FAM107B: variants seen among roughly 807,000 people sequenced by gnomAD.
FAM107B encodes the protein family with sequence similarity 107 member B, also known as protein FAM107B.
Under a neutral mutation model 31.5 loss-of-function variants are expected in FAM107B, and 21 were observed. The ratio of observed to expected loss-of-function variants is 0.67; its 90% CI spans 0.47 to 0.96. The LOEUF is 0.96. FAM107B is among the 40% of genes least tolerant of loss of function. The pLI, the probability that FAM107B is intolerant of heterozygous loss-of-function variation, is 0.00. For missense variants in FAM107B, 452 were observed against 377.1 expected (o/e 1.20, Z -1.64); for synonymous variants, 157 against 141.5 (o/e 1.11, Z -0.78).
At chr10:14,542,990 A>T (rs1012390439) in intron 2 of FAM107B, among the ~76,000 whole-genome samples, 4 of 152,248 alleles carry the variant, frequency 2.6e-5, no homozygotes, top group African/African-American at 9.6e-5. Context: ...AATCCTGCCC[A>T]ATTAATGGAT....
At chr10:14,536,179 G>C (rs771554672) in intron 2 of FAM107B, among the ~76,000 whole-genome samples, 1 of 152,194 alleles carries the variant, frequency 6.6e-6, no homozygotes, top group East Asian at 1.9e-4. Flanking sequence ...GATTATGCTA[G>C]TTTTCATGTT....
intron 1 of FAM107B, among the ~76,000 whole-genome samples, chr10:14,705,529 T>C (rs748359533): frequency 1.3e-5 from 2 of 152,036 alleles, no homozygotes; most frequent in Non-Finnish European, 2.9e-5. Context: ...GTGATTCAGC[T>C]TGAAAAAGGA....
At position 14,700,827 on chromosome 10, in the gene FAM107B, CAAAAAAAA is replaced by C. The variant is rs1159035034; in HGVS notation, c.412-33144_412-33137del. ...TCACTTGGATGCTGATGGCAAGAGG[CAAAAAAAA>C]AAAAAAAAAAAAAAAAACGCACTAG... is the stretch of plus-strand genomic sequence containing the variant. On this transcript the variant is annotated intron_variant, in intron 1 of 4. Coordinates refer to ENST00000181796, the MANE Select transcript of FAM107B (RefSeq NM_031453.4). Among the ~76,000 whole-genome samples, 13 of 76,018 alleles carry C rather than the reference CAAAAAAAA, an allele frequency of 1.7e-4. 1 individual carries two copies. The highest frequency in any genetic ancestry group is 8.5e-3 in the Middle Eastern group (1 of 118). 49.9% of individuals were successfully genotyped at this position (76,018 alleles called of 152,430 possible).
intron 1 of FAM107B, among the ~76,000 whole-genome samples, chr10:14,677,600 G>A (rs981404255): frequency 5.9e-5 from 9 of 151,754 alleles, no homozygotes; most frequent in Admixed American, 2.6e-4. Context: ...CAGCCTGGGC[G>A]ACAGAGCGAG....
At chr10:14,643,829 T>C (rs1853689331) in intron 2 of FAM107B, among the ~76,000 whole-genome samples, 1 of 152,198 alleles carries the variant, frequency 6.6e-6, no homozygotes, top group Admixed American at 6.5e-5. Flanking sequence ...CCACTCAAGT[T>C]ATCACATAAA....
intron 1 of FAM107B, among the ~76,000 whole-genome samples, chr10:14,719,524 C>G (rs184638820): frequency 6.6e-6 from 1 of 152,178 alleles, no homozygotes; most frequent in Non-Finnish European, 1.5e-5. Flanking sequence ...CCAGGGAACA[C>G]ACGCCGGTCA....
At chr10:14,565,407 A>G (rs1398876615) in intron 2 of FAM107B, among the ~76,000 whole-genome samples, 1 of 152,222 alleles carries the variant, frequency 6.6e-6, no homozygotes, top group Non-Finnish European at 1.5e-5. Flanking sequence ...AAGATGAGCC[A>G]GAAGAAAGAT....
chr10:14,773,186 G>A (rs537644438), intron 1 of FAM107B, among the ~76,000 whole-genome samples: 227 of 152,274 alleles, frequency 1.5e-3, no homozygotes, highest in African/African-American at 5.2e-3. Context: ...GAATGCAGAC[G>A]ACAGACCCAA....
chr10:14,757,462 TTC>T (rs746376184), intron 1 of FAM107B, among the ~76,000 whole-genome samples: 9 of 151,908 alleles, frequency 5.9e-5, no homozygotes, highest in Non-Finnish European at 1.2e-4. Context: ...CTGTTCTGTG[TTC>T]TCTCTCTCTC....
Position 14,527,939 on chromosome 10 carries a change from T to C in FAM107B, c.653+2393A>G, listed in dbSNP as rs1056961194. 6 of 231,896 alleles carry C rather than the reference T, an allele frequency of 2.6e-5. No individual in the cohort carries two copies. The Admixed American group carries it at 2.9e-4, about 11-fold the overall frequency. 14.4% of individuals were successfully genotyped at this position (231,896 alleles called of 1,614,324 possible). ...ATTTCTAACAAGTTTGGTATTACCT[T>C]GAAAACTCTTAAGAGATAAGATGAG... On this transcript the variant is annotated intron_variant, in intron 3 of 4. Transcript: ENST00000181796.
intron 2 of FAM107B, chr10:14,571,841 A>C (rs757320617): frequency 1.2e-5 from 12 of 985,496 alleles, no homozygotes; most frequent in Non-Finnish European, 1.4e-5. Flanking sequence ...GCAAGAGAAG[A>C]GTTAGCCCAG....
intron 2 of FAM107B, among the ~76,000 whole-genome samples, chr10:14,622,840 A>C (rs895789463): frequency 1.3e-5 from 2 of 152,184 alleles, no homozygotes; most frequent in East Asian, 1.9e-4. Flanking sequence ...TTTCCTTTAA[A>C]CATAAATCTT....
chr10:14,700,888 A>G (rs1428717148), intron 1 of FAM107B, among the ~76,000 whole-genome samples: 1 of 146,376 alleles, frequency 6.8e-6, no homozygotes, highest in African/African-American at 2.5e-5. Flanking sequence ...AGCTATGCTC[A>G]CTTATAACCT....
chr10:14,683,313 T>C (rs2131497733), intron 1 of FAM107B, among the ~76,000 whole-genome samples: 1 of 152,300 alleles, frequency 6.6e-6, no homozygotes, highest in South Asian at 2.1e-4. Context: ...AGGAAGAGGA[T>C]AGGTGGTTCA....
intron 2 of FAM107B, among the ~76,000 whole-genome samples, chr10:14,534,274 C>T (rs1847368108): frequency 6.6e-6 from 1 of 152,048 alleles, no homozygotes; most frequent in South Asian, 2.1e-4. Context: ...GTGAACGGGC[C>T]GGAGCAACCC....
At chr10:14,594,501 CAAAAAAAAAAAA>C (rs371126997) in intron 2 of FAM107B, among the ~76,000 whole-genome samples, 1 of 80,168 alleles carries the variant, frequency 1.2e-5, no homozygotes, top group East Asian at 3.3e-4. Context: ...AAGACCCTGC[CAAAAAAAAAAAA>C]AAAACAAAAA....
intron 2 of FAM107B, among the ~76,000 whole-genome samples, chr10:14,642,393 G>T (rs1853650417): frequency 6.6e-6 from 1 of 152,196 alleles, no homozygotes; most frequent in Non-Finnish European, 1.5e-5. Flanking sequence ...AAGGCTCTGG[G>T]CCTGATGAGC....
intron 1 of FAM107B, among the ~76,000 whole-genome samples, chr10:14,735,767 C>T (rs1242064978): frequency 6.6e-6 from 1 of 152,100 alleles, no homozygotes; most frequent in Non-Finnish European, 1.5e-5. Context: ...TAGTCAACTC[C>T]CAGGGATCTG....
At chr10:14,594,060 C>A (rs1045702130) in intron 2 of FAM107B, among the ~76,000 whole-genome samples, 24 of 152,238 alleles carry the variant, frequency 1.6e-4, no homozygotes, top group Admixed American at 6.5e-4. Context: ...TAAAACAACT[C>A]AAACACACAG....
Sources: allele counts gnomAD v4.1 joint callset (sites outside exome capture counted in the v4.1 genomes callset), GRCh38; gene constraint gnomAD v4.1.1; transcripts MANE v1.5; gene names NCBI Gene and HGNC (gene_info 2026-07-23, HGNC 2026-07-21).